The following IL1RAPL2 variants were observed in gnomAD, a reference collection of about 807,000 sequenced individuals.
IL1RAPL2 encodes X-linked interleukin-1 receptor accessory protein-like 2.
IL1RAPL2 carries 3 observed loss-of-function variants against 44.1 expected under a neutral mutation model. That is an observed-to-expected ratio of 0.07 (90% CI 0.03 to 0.18). The LOEUF is 0.18. Ranked by LOEUF, IL1RAPL2 falls within the 10% of genes least tolerant of loss-of-function variation. IL1RAPL2 has a pLI of 1.00. For synonymous variants in IL1RAPL2, 181 were observed against 178.8 expected, an observed-to-expected ratio of 1.01 and a Z score of -0.10; for missense variants, 391 against 496.4, an observed-to-expected ratio of 0.79 and a Z score of 2.02.
intron 1 of IL1RAPL2, among the ~76,000 whole-genome samples, chrX:104,602,155 T>C (rs1268722222): frequency 9.0e-6 from 1 of 111,132 alleles, no homozygotes; most frequent in Admixed American, 9.5e-5. Flanking sequence ...TTGGGACTGG[T>C]TGGACAGTGG....
intron 2 of IL1RAPL2, among the ~76,000 whole-genome samples, chrX:104,759,501 T>C (rs938964903): frequency 9.0e-6 from 1 of 111,338 alleles, no homozygotes; most frequent in Non-Finnish European, 1.9e-5. Flanking sequence ...ATACAATATG[T>C]CTAGGAGCAG....
intron 5 of IL1RAPL2, among the ~76,000 whole-genome samples, chrX:105,465,003 G>A (rs990902366): frequency 8.9e-6 from 1 of 111,990 alleles, no homozygotes; most frequent in Non-Finnish European, 1.9e-5. Context: ...CACATAGACA[G>A]TGGTCCTGAC....
At chrX:105,268,980 G>T (rs2034427263) in intron 5 of IL1RAPL2, among the ~76,000 whole-genome samples, 1 of 110,452 alleles carries the variant, frequency 9.1e-6, no homozygotes, top group Non-Finnish European at 1.9e-5. Flanking sequence ...GTGTGTGTTT[G>T]TATGTATACA....
At chrX:105,119,346 A>C (rs4826914) in intron 2 of IL1RAPL2, among the ~76,000 whole-genome samples, 57,248 of 109,712 alleles carry the variant, frequency 0.52, 13,034 homozygotes, top group East Asian at 0.75. Flanking sequence ...GTCTCATGGA[A>C]CCCCAACTCA....
At chrX:105,292,985 G>A (rs1003636656) in intron 5 of IL1RAPL2, among the ~76,000 whole-genome samples, 5 of 108,924 alleles carry the variant, frequency 4.6e-5, no homozygotes, top group South Asian at 4.0e-4. Context: ...TGTGGCAGGC[G>A]CCTGTAGTCC....
chrX:104,916,813 T>A (rs1924456051), intron 2 of IL1RAPL2, among the ~76,000 whole-genome samples: 1 of 111,570 alleles, frequency 9.0e-6, no homozygotes, highest in African/African-American at 3.3e-5. Context: ...CTTTTCTGCA[T>A]CTATTGAGAT....
At chrX:105,590,127 T>G (rs920250787) in intron 6 of IL1RAPL2, among the ~76,000 whole-genome samples, 9 of 111,852 alleles carry the variant, frequency 8.0e-5, no homozygotes, top group African/African-American at 2.9e-4. Flanking sequence ...TATTTTATTC[T>G]TTTGTGGCTA....
At chrX:104,729,323 G>T (rs1012261910) in intron 2 of IL1RAPL2, among the ~76,000 whole-genome samples, 1 of 110,331 alleles carries the variant, frequency 9.1e-6, no homozygotes, top group East Asian at 2.9e-4. Flanking sequence ...CTTGATCATC[G>T]TCCCAACTAT....
intron 6 of IL1RAPL2, among the ~76,000 whole-genome samples, chrX:105,535,307 G>T (rs1031421502): frequency 1.8e-5 from 2 of 111,806 alleles, no homozygotes; most frequent in Admixed American, 9.5e-5. Flanking sequence ...TGACAATACT[G>T]AGTGCTAGTG....
intron 2 of IL1RAPL2, among the ~76,000 whole-genome samples, chrX:104,839,642 G>A (rs146387024): frequency 0.021 from 2,388 of 111,828 alleles, 28 homozygotes; most frequent in Non-Finnish European, 0.033. Flanking sequence ...CAATTGTTTG[G>A]AGTAGTTTTA....
At position 105,443,363 on chromosome X, in the gene IL1RAPL2, T is replaced by A. The variant is rs184574086; in HGVS notation, c.698-40950T>A. On this transcript the variant is annotated intron_variant, in intron 5 of 10. Transcript: ENST00000372582. The stretch of plus-strand genomic sequence containing the variant: ...TGTGTTACAAACAATCCAGTTATAC[T>A]TTTTTTAGTTATTTTAAGATGTACA... Among the ~76,000 whole-genome samples, 151 of 111,406 alleles carry A rather than the reference T, an allele frequency of 1.4e-3. 1 individual carries two copies. Among genetic ancestry groups the A allele is most frequent in the African/African-American group, 4.4e-3 (135 of 30,625 alleles).
intron 2 of IL1RAPL2, among the ~76,000 whole-genome samples, chrX:104,823,612 C>T (rs986532839): frequency 6.5e-5 from 7 of 108,405 alleles, no homozygotes; most frequent in Admixed American, 4.0e-4. Context: ...TGGGTATATA[C>T]CCAGTAATGG....
chrX:104,954,045 G>A (rs1019069552), intron 2 of IL1RAPL2, among the ~76,000 whole-genome samples: 1 of 111,694 alleles, frequency 9.0e-6, no homozygotes, highest in Non-Finnish European at 1.9e-5. Flanking sequence ...CAGATTGAAG[G>A]GATATTCTTT....
chrX:105,201,318 A>G (rs1185673599), intron 3 of IL1RAPL2, among the ~76,000 whole-genome samples: 1 of 112,269 alleles, frequency 8.9e-6, no homozygotes, highest in Non-Finnish European at 1.9e-5. Flanking sequence ...TGAAACGAAA[A>G]GCATAGCATG....
At chrX:104,910,402 G>T (rs1177503256) in intron 2 of IL1RAPL2, among the ~76,000 whole-genome samples, 1 of 111,991 alleles carries the variant, frequency 8.9e-6, no homozygotes, top group African/African-American at 3.2e-5. Flanking sequence ...AAGTTCTGTG[G>T]TACATGTGCA....
chrX:104,921,158 G>A (rs1456319360), intron 2 of IL1RAPL2, among the ~76,000 whole-genome samples: 1 of 111,853 alleles, frequency 8.9e-6, no homozygotes, highest in Non-Finnish European at 1.9e-5. Flanking sequence ...AGATAACACA[G>A]ACACATTGCT....
intron 6 of IL1RAPL2, among the ~76,000 whole-genome samples, chrX:105,596,969 G>A (rs896183397): frequency 4.5e-5 from 5 of 111,394 alleles, no homozygotes; most frequent in Non-Finnish European, 9.4e-5. Context: ...TAAGCAAGTG[G>A]AACTACATCA....
At chrX:105,089,933 A>C (rs945240057) in intron 2 of IL1RAPL2, among the ~76,000 whole-genome samples, 2 of 111,815 alleles carry the variant, frequency 1.8e-5, no homozygotes, top group Admixed American at 1.9e-4. Context: ...ATTTTGAAAA[A>C]AGTTAAAATG....
At position 105,740,691 on chromosome X, in the gene IL1RAPL2, G is replaced by A. The variant is rs753708364; in HGVS notation, c.1048G>A (p.Asp350Asn). ...KHASVLLRKK[D>N]LIYKIELAGG... ...TGCCAGTGTTTTGCTGCGTAAAAAG[G>A]GTATTTATTTTTATAACTATAACTA... The change falls in exon 8 of 11, where the codon GAT becomes AAT. Residue 350 changes from aspartate to asparagine, a missense_variant and splice_region_variant. By Grantham distance (23) the Asp-to-Asn change is conservative. Transcript: ENST00000372582. 3 of 1,199,773 alleles carry A rather than the reference G, an allele frequency of 2.5e-6. No individual in the cohort carries two copies. The highest frequency in any genetic ancestry group is 3.0e-5 in the East Asian group (1 of 33,535).
Sources: gnomAD v4.1 joint callset for allele counts (sites outside exome capture counted in the v4.1 genomes callset) on GRCh38, gnomAD v4.1.1 for gene constraint, MANE v1.5 for transcripts, NCBI Gene and HGNC (gene_info 2026-07-23, HGNC 2026-07-21) for gene names.